The following MAP2 variants were observed in gnomAD, a reference collection of about 807,000 sequenced individuals.
MAP2 encodes the protein microtubule-associated protein 2.
MAP2 carries 14 observed loss-of-function variants against 137.6 expected under a neutral mutation model. The ratio of observed to expected loss-of-function variants is 0.10; its 90% CI spans 0.07 to 0.16. The LOEUF is 0.16. MAP2 is among the 10% of genes least tolerant of loss of function. The pLI is 1.00. For synonymous variants in MAP2, 786 were observed against 782.3 expected (o/e 1.00, Z -0.08); for missense variants, 2,088 against 2,191.5 (o/e 0.95, Z 0.94).
chr2:209,559,886 G>A (rs1045749609), intron 2 of MAP2, among the ~76,000 whole-genome samples: 5 of 152,066 alleles, frequency 3.3e-5, no homozygotes, highest in African/African-American at 1.2e-4. Context: ...ACCAAGACTG[G>A]GGTGTCATTG....
intron 2 of MAP2, among the ~76,000 whole-genome samples, chr2:209,552,327 T>C (rs2069368410): frequency 6.6e-6 from 1 of 152,200 alleles, no homozygotes; most frequent in East Asian, 1.9e-4. Context: ...TGTAACGACT[T>C]CCTGCATTCA....
Position 209,693,677 on chromosome 2 carries a change from T to C in MAP2, c.1507T>C (p.Leu503=). The change falls in exon 8 of 16, where the codon TTG becomes CTG. Residue 503 remains leucine, a synonymous_variant. Coordinates refer to ENST00000682079, the MANE Select transcript of MAP2 (RefSeq NM_001375505.1). The part of the protein sequence containing the change: ...MLKQDSFPVS[L]EQAVTDSAMT... ...GAAACAGGACTCGTTCCCTGTAAGT[T>C]TGGAGCAAGCAGTTACAGATTCAGC... is the stretch of plus-strand genomic sequence containing the variant. 1.9e-6 allele frequency: 3 copies of C among 1,613,628 alleles called. No homozygotes were observed. Among genetic ancestry groups the C allele is most frequent in the Non-Finnish European group, 2.5e-6 (3 of 1,179,924 alleles).
chr2:209,546,780 G>T (rs1038817727), intron 2 of MAP2, among the ~76,000 whole-genome samples: 1 of 152,136 alleles, frequency 6.6e-6, no homozygotes, highest in African/African-American at 2.4e-5. Context: ...AAACCATGTG[G>T]TTATTCTCCA....
At chr2:209,711,032 G>A (rs2065264734) in intron 13 of MAP2, among the ~76,000 whole-genome samples, 4 of 152,104 alleles carry the variant, frequency 2.6e-5, no homozygotes, top group Admixed American at 2.0e-4. Context: ...ATTATTTAAT[G>A]TTTATCTCAT....
chr2:209,699,044 T>C lies in MAP2; in HGVS notation c.4523-1233T>C, dbSNP rs145941638. On this transcript the variant is annotated intron_variant, in intron 10 of 15. Coordinates refer to ENST00000682079, the MANE Select transcript of MAP2 (RefSeq NM_001375505.1). ...TTTAAAATCTTTGAACTAATGAAGATTTTCCTTTATTCTGGTCTAATGTTA... is the reference window on the plus strand; with the variant it reads ...TTTAAAATCTTTGAACTAATGAAGACTTTCCTTTATTCTGGTCTAATGTTA... Among the ~76,000 whole-genome samples the C allele has an allele frequency of 4.0e-3, 606 of 152,322 alleles. 6 individuals are homozygous for C. Among genetic ancestry groups the C allele is most frequent in the African/African-American group, 0.014 (570 of 41,576 alleles).
At chr2:209,720,918 C>G (rs553592012) in intron 13 of MAP2, among the ~76,000 whole-genome samples, 4 of 151,848 alleles carry the variant, frequency 2.6e-5, no homozygotes, top group African/African-American at 9.7e-5. Context: ...TCCATAGAAC[C>G]CAGAGTTAAA....
intron 4 of MAP2, among the ~76,000 whole-genome samples, chr2:209,627,079 A>G (rs1253060579): frequency 6.6e-6 from 1 of 152,088 alleles, no homozygotes; most frequent in African/African-American, 2.4e-5. Flanking sequence ...CTATAACACA[A>G]TAATTAGAAT....
chr2:209,438,942 C>T (rs959287462), intron 1 of MAP2, among the ~76,000 whole-genome samples: 7 of 151,154 alleles, frequency 4.6e-5, no homozygotes, highest in African/African-American at 1.7e-4. Flanking sequence ...AATAGACCTC[C>T]TGTTGGAAAA....
At chr2:209,572,205 TTA>T (rs1354528668) in intron 2 of MAP2, among the ~76,000 whole-genome samples, 1 of 152,072 alleles carries the variant, frequency 6.6e-6, no homozygotes, top group Non-Finnish European at 1.5e-5. Context: ...TGATTTCTAG[TTA>T]TCTTGTCTTA....
intron 2 of MAP2, among the ~76,000 whole-genome samples, chr2:209,511,952 G>C (rs1462307612): frequency 6.6e-6 from 1 of 151,932 alleles, no homozygotes; most frequent in African/African-American, 2.4e-5. Flanking sequence ...TCCAGAACAG[G>C]GTGGATGTTG....
At chr2:209,452,827 G>A (rs1482998087) in intron 1 of MAP2, among the ~76,000 whole-genome samples, 3 of 152,062 alleles carry the variant, frequency 2.0e-5, no homozygotes, top group African/African-American at 7.2e-5. Flanking sequence ...CTCCTTTGCT[G>A]CAATCTTATA....
At chr2:209,607,705 G>T (rs888253190) in intron 3 of MAP2, among the ~76,000 whole-genome samples, 22 of 152,208 alleles carry the variant, frequency 1.4e-4, no homozygotes, top group African/African-American at 4.8e-4. Context: ...AAAGTGCTGG[G>T]ATTACAGGCA....
chr2:209,568,449 G>T (rs1481591047), intron 2 of MAP2, among the ~76,000 whole-genome samples: 1 of 151,874 alleles, frequency 6.6e-6, no homozygotes, highest in Admixed American at 6.6e-5. Context: ...GAATAATCTG[G>T]TCATGTTAAG....
At chr2:209,621,550 C>T (rs778997219) in intron 3 of MAP2, among the ~76,000 whole-genome samples, 9 of 152,112 alleles carry the variant, frequency 5.9e-5, no homozygotes, top group Admixed American at 1.3e-4. Flanking sequence ...TGAGCCACCA[C>T]GCCCGACTGA....
chr2:209,628,538 A>C (rs536568402), intron 4 of MAP2, among the ~76,000 whole-genome samples: 4 of 152,058 alleles, frequency 2.6e-5, no homozygotes, highest in Non-Finnish European at 5.9e-5. Flanking sequence ...GTTTACTACT[A>C]TCATAATCCC....
intron 5 of MAP2, among the ~76,000 whole-genome samples, chr2:209,663,237 A>G (rs1357907506): frequency 6.6e-6 from 1 of 152,078 alleles, no homozygotes; most frequent in Non-Finnish European, 1.5e-5. Context: ...TCCCCAGTAC[A>G]TTACATAAAG....
rs577117925 is a variant in MAP2, at chr2:209,650,744, C to G, written c.-29-2398C>G. The stretch of plus-strand genomic sequence containing the variant: ...TATTTCAAATAGGGAAAACTGTATG[C>G]AAGGGGTAGATGGGTAATCTCTATA... On this transcript the variant is annotated intron_variant, in intron 4 of 15. Transcript: ENST00000682079. 2.2e-4 allele frequency among the ~76,000 whole-genome samples: 34 copies of G among 152,218 alleles called. 1 individual carries two copies. In the South Asian group the frequency reaches 6.4e-3, roughly 29 times the overall value.
intron 2 of MAP2, among the ~76,000 whole-genome samples, chr2:209,559,176 C>G (rs568622551): frequency 1.3e-5 from 2 of 152,042 alleles, no homozygotes; most frequent in South Asian, 4.2e-4. Context: ...ACTTTTCCCC[C>G]AACTCCTCTC....
At position 209,493,062 on chromosome 2, in the gene MAP2, G is replaced by T. The variant is rs367886824; in HGVS notation, c.-221-14530G>T. 3.7e-4 allele frequency among the ~76,000 whole-genome samples: 56 copies of T among 152,238 alleles called. 1 individual carries two copies. Among genetic ancestry groups the T allele is most frequent in the African/African-American group, 1.3e-3 (55 of 41,522 alleles). ...AGGCTACATTAACCAAAATGTTATG[G>T]TACTGGTACCAAAACAGATACATAG... On this transcript the variant is annotated intron_variant, in intron 1 of 15. Coordinates refer to ENST00000682079, the MANE Select transcript of MAP2 (RefSeq NM_001375505.1).
Sources: allele counts gnomAD v4.1 joint callset (sites outside exome capture counted in the v4.1 genomes callset), GRCh38; gene constraint gnomAD v4.1.1; transcripts MANE v1.5; gene names NCBI Gene and HGNC (gene_info 2026-07-23, HGNC 2026-07-21).